The following TRIM71 variants were observed in gnomAD, a reference collection of about 807,000 sequenced individuals.
TRIM71 encodes tripartite motif containing 71, also known as E3 ubiquitin-protein ligase TRIM71.
TRIM71 carries 9 observed loss-of-function variants against 61.2 expected under a neutral mutation model. The observed-to-expected ratio is 0.15, with a 90% CI of 0.09 to 0.26. The LOEUF (loss-of-function observed/expected upper bound fraction) is 0.26. Among genes scored for constraint, TRIM71 ranks in the 10% least tolerant of loss-of-function variants. The probability of loss-of-function intolerance (pLI) is 1.00; values close to 1 mark genes in which losing one functional copy is unlikely to be tolerated. For synonymous variants in TRIM71, 645 were observed against 553.2 expected (o/e 1.17, Z -2.33); for missense variants, 998 against 1,238.7 (o/e 0.81, Z 2.92).
chr3:32,829,863 A>T (rs1197761555), intron 1 of TRIM71, among the ~76,000 whole-genome samples: 3 of 151,862 alleles, frequency 2.0e-5, no homozygotes, highest in Non-Finnish European at 4.4e-5. Flanking sequence ...GTTATTGACA[A>T]GTGTAGCTTT....
intron 2 of TRIM71, among the ~76,000 whole-genome samples, chr3:32,874,324 T>TTACTACTACTACTAC (rs34214588): frequency 8.2e-6 from 1 of 121,488 alleles, no homozygotes; most frequent in Non-Finnish European, 1.7e-5. Context: ...TTAATGCTTA[T>TTACTACTACTACTAC]TACTACTACT....
intron 1 of TRIM71, among the ~76,000 whole-genome samples, chr3:32,824,102 T>G (rs1416089019): frequency 6.6e-6 from 1 of 152,128 alleles, no homozygotes; most frequent in African/African-American, 2.4e-5. Context: ...GTTTGAAGAT[T>G]AGGTAAAAAT....
At chr3:32,835,471 G>A (rs1696324103) in intron 1 of TRIM71, among the ~76,000 whole-genome samples, 1 of 152,218 alleles carries the variant, frequency 6.6e-6, no homozygotes, top group African/African-American at 2.4e-5. Flanking sequence ...CTTGATAGGA[G>A]TGAAAAAGGG....
At position 32,873,937 on chromosome 3, in the gene TRIM71, C is replaced by G. The variant is rs199989577; in HGVS notation, c.972C>G (p.Leu324=). ...LQEALQDSRA[L]TIQLLADAQQ... ...AGGCACTGCAGGACTCACGGGCACT[C>G]ACCATCCAGCTGCTGGCAGATGCCC... Residue 324 remains leucine, a synonymous_variant, in exon 2 of 4, where the codon CTC becomes CTG. Coordinates refer to ENST00000383763, the MANE Select transcript of TRIM71 (RefSeq NM_001039111.3). The G allele has an allele frequency of 2.9e-4, 466 of 1,613,616 alleles. 1 individual carries two copies. The highest frequency in any genetic ancestry group is 3.8e-4 in the Non-Finnish European group (444 of 1,179,848).
At chr3:32,821,595 C>T (rs1340029132) in intron 1 of TRIM71, among the ~76,000 whole-genome samples, 2 of 152,158 alleles carry the variant, frequency 1.3e-5, no homozygotes, top group Non-Finnish European at 2.9e-5. Context: ...GTACTTGCTG[C>T]TACTCTTTTA....
At chr3:32,832,162 G>C (rs796101556) in intron 1 of TRIM71, among the ~76,000 whole-genome samples, 5 of 152,256 alleles carry the variant, frequency 3.3e-5, no homozygotes, top group African/African-American at 1.2e-4. Context: ...TAAATTACTA[G>C]ATGAAATTTA....
chr3:32,843,791 T>G (rs1696438442), intron 1 of TRIM71, among the ~76,000 whole-genome samples: 1 of 152,180 alleles, frequency 6.6e-6, no homozygotes, highest in Non-Finnish European at 1.5e-5. Flanking sequence ...CTGAGCTCCT[T>G]TCCTGTCGTG....
At chr3:32,886,296 A>G (rs1696961362) in intron 3 of TRIM71, among the ~76,000 whole-genome samples, 1 of 152,216 alleles carries the variant, frequency 6.6e-6, no homozygotes, top group South Asian at 2.1e-4. Flanking sequence ...GTGGGTAACC[A>G]AGACTGGAAG....
chr3:32,849,830 C>T (rs989402224), intron 1 of TRIM71, among the ~76,000 whole-genome samples: 1 of 152,154 alleles, frequency 6.6e-6, no homozygotes, highest in Non-Finnish European at 1.5e-5. Flanking sequence ...TGTACTTTCT[C>T]TCCAGAAAGA....
chr3:32,839,579 AC>A (rs1331427719), intron 1 of TRIM71, among the ~76,000 whole-genome samples: 1 of 138,362 alleles, frequency 7.2e-6, no homozygotes, highest in Admixed American at 8.6e-5. Flanking sequence ...CCCAGAACTT[AC>A]AGTAGGCTTT....
intron 2 of TRIM71, among the ~76,000 whole-genome samples, chr3:32,876,050 A>T (rs1373546175): frequency 1.3e-5 from 2 of 152,122 alleles, no homozygotes; most frequent in African/African-American, 4.8e-5. Flanking sequence ...TTGTTATGCC[A>T]GTATTGCTCA....
chr3:32,818,437 G>C lies in TRIM71; in HGVS notation c.357G>C (p.Leu119=), dbSNP rs767295415. ...CGTCCGCCTTCCTGCTTAGCAACCT[G>C]CTCGACGCGGTGGTGGCCACTGCCG... ...LPSSAFLLSN[L]LDAVVATADE... is the part of the protein sequence containing the mutation. Residue 119 remains leucine (L), a synonymous_variant, in exon 1 of 4, where the codon CTG becomes CTC. Transcript: ENST00000383763. 3.7e-5 allele frequency: 55 copies of C among 1,473,630 alleles called. No individual in the cohort carries two copies. Among genetic ancestry groups the C allele is most frequent in the Non-Finnish European group, 4.7e-5 (53 of 1,117,062 alleles). The allele number at this position is 1,473,630 out of a possible 1,614,324, so 91.3% of individuals were successfully genotyped here.
In TRIM71 at chr3:32,818,154, TCTC is replaced by T. The variant is rs1696077801; in HGVS notation, c.79_81del (p.Ser27del). 6.2e-6 allele frequency: 10 copies of T among 1,609,768 alleles called. No individual in the cohort carries two copies. Among genetic ancestry groups the T allele is most frequent in the African/African-American group, 1.3e-5 (1 of 74,450 alleles). On this transcript the variant is annotated inframe_deletion, in exon 1 of 4. Transcript: ENST00000383763. Reference sequence around the variant, plus strand: ...GAGATGTGCGGCTCGCCGGCGCCGCTCTCCTCCAACTCGTCCGCGTCGTCGTCC... The same window carrying T: ...GAGATGTGCGGCTCGCCGGCGCCGCTCTCCAACTCGTCCGCGTCGTCGTCC...
rs71068090 is a variant in TRIM71 at position 32,826,582 on chromosome 3, C to CTTTTTTTTTTTTTTTTTT, written c.852+7655_852+7672dup. Among the ~76,000 whole-genome samples the CTTTTTTTTTTTTTTTTTT allele has an allele frequency of 3.6e-5, 3 of 83,092 alleles. 1 individual carries two copies. Among genetic ancestry groups the CTTTTTTTTTTTTTTTTTT allele is most frequent in the African/African-American group, 1.5e-4 (3 of 19,382 alleles). The allele number at this position is 83,092 out of a possible 152,430, so 54.5% of individuals were successfully genotyped here. ...AACTTTAATTCCCATCAGGTGAGTT[C>CTTTTTTTTTTTTTTTTTT]TTTTTTTTTTTTTTTTTTTTTTGAG... On this transcript the variant is annotated intron_variant, in intron 1 of 3. Transcript: ENST00000383763.
At position 32,818,839 on chromosome 3, in the gene TRIM71, G is replaced by C; in HGVS notation, c.759G>C (p.Gln253His). The change falls in exon 1 of 4, where the codon CAG becomes CAC. Residue 253 changes from glutamine (Q) to histidine (H), a missense_variant. Gln to His is a conservative substitution (Grantham distance 24). Transcript: ENST00000383763. ...PGPGAAAAAQ[Q>H]LGLGPPFPGP... ...CCGGTGCCGCAGCAGCGGCGCAGCA[G>C]CTCGGGCTCGGGCCGCCCTTTCCCG... 6.2e-7 allele frequency: 1 copy of C among 1,611,806 alleles called. No individual in the cohort carries two copies. The highest frequency in any genetic ancestry group is 8.5e-7 in the Non-Finnish European group (1 of 1,179,508).
intron 1 of TRIM71, among the ~76,000 whole-genome samples, chr3:32,851,922 T>C (rs889321763): frequency 2.0e-5 from 3 of 152,202 alleles, no homozygotes; most frequent in African/African-American, 7.2e-5. Flanking sequence ...GGAAAGCTGA[T>C]GTTATCACTT....
At chr3:32,857,098 C>T (rs1015251322) in intron 1 of TRIM71, among the ~76,000 whole-genome samples, 3 of 152,190 alleles carry the variant, frequency 2.0e-5, no homozygotes, top group Admixed American at 2.0e-4. Flanking sequence ...AATCACTAAC[C>T]TCTGGCCCCT....
intron 1 of TRIM71, among the ~76,000 whole-genome samples, chr3:32,836,267 A>T (rs867406843): frequency 2.1e-4 from 32 of 152,166 alleles, no homozygotes; most frequent in African/African-American, 6.3e-4. Context: ...TCTAATGAAA[A>T]AAATGGCTGG....
At chr3:32,838,640 A>T (rs888991342) in intron 1 of TRIM71, among the ~76,000 whole-genome samples, 1 of 151,860 alleles carries the variant, frequency 6.6e-6, no homozygotes, top group African/African-American at 2.4e-5. Context: ...AGGGGAGCTA[A>T]AGCTCTTTGG....
Sources: allele counts gnomAD v4.1 joint callset (sites outside exome capture counted in the v4.1 genomes callset), GRCh38; gene constraint gnomAD v4.1.1; transcripts MANE v1.5; gene names NCBI Gene and HGNC (gene_info 2026-07-23, HGNC 2026-07-21).